Variants in PDXDC1 observed in about 807,000 individuals in gnomAD.
The protein encoded by PDXDC1 is pyridoxal dependent decarboxylase domain containing 1.
In PDXDC1, 42 loss-of-function variants were observed where a neutral mutation model predicts 100.1. That is an observed-to-expected ratio of 0.42 (90% CI 0.33 to 0.54). The LOEUF is 0.54. Among genes scored for constraint, PDXDC1 ranks in the 20% least tolerant of loss-of-function variants. The probability of loss-of-function intolerance (pLI) is 0.10; values close to 1 mark genes in which losing one functional copy is unlikely to be tolerated. For synonymous variants in PDXDC1, 260 were observed against 371.7 expected (o/e 0.70, Z 3.46); for missense variants, 636 against 979.2 (o/e 0.65, Z 4.68).
chr16:15,055,288 A>G (rs1161967174), intron 16 of PDXDC1, among the ~76,000 whole-genome samples: 2 of 152,144 alleles, frequency 1.3e-5, no homozygotes, highest in East Asian at 3.9e-4. Context: ...AACAAAAACA[A>G]AACCCGTGCA....
At chr16:15,020,975 AACACACACACACACACAC>A (rs66850292) in intron 12 of PDXDC1, among the ~76,000 whole-genome samples, 8 of 145,938 alleles carry the variant, frequency 5.5e-5, no homozygotes, top group African/African-American at 1.8e-4. Flanking sequence ...GCACCATCTA[AACACACACACACACACAC>A]ACACACACAC....
At chr16:15,040,977 C>T, downstream of PDXDC1, 4 of 883,716 alleles carry the variant, frequency 4.5e-6, no homozygotes, top group Non-Finnish European at 7.7e-6. Flanking sequence ...CTGTCCCATC[C>T]TGACAGCAGT....
chr16:15,056,035 C>G, intron 16 of PDXDC1: 1 of 748,762 alleles, frequency 1.3e-6, no homozygotes, highest in Non-Finnish European at 1.7e-6. Flanking sequence ...AGCCCCGGGC[C>G]GCCCGCCGCC....
intron 16 of PDXDC1, chr16:15,125,713 G>A (rs529166928): frequency 8.9e-5 from 125 of 1,401,956 alleles, no homozygotes; most frequent in African/African-American, 3.6e-4. Context: ...GCCTGAGAAC[G>A]TGAGGAAGGA....
In PDXDC1 at chr16:15,026,664, C is replaced by T; in HGVS notation, c.1162C>T (p.Pro388Ser). Residue 388 changes from proline (P) to serine (S), a missense_variant, in exon 14 of 23, where the codon CCA becomes TCA. Transcript: ENST00000396410. ...KILVEDELSS[P>S]VVVFRFFQEL... ...CCAGGTGGAAGATGAGCTCAGCTCC[C>T]CAGTGGTGGTGTTCAGATTTTTCCA... 1.2e-6 allele frequency: 2 copies of T among 1,613,926 alleles called. No individual in the cohort carries two copies. Among genetic ancestry groups the T allele is most frequent in the South Asian group, 2.2e-5 (2 of 91,062 alleles).
At chr16:15,123,644 T>C in intron 16 of PDXDC1, 1 of 571,052 alleles carries the variant, frequency 1.8e-6, no homozygotes, top group Non-Finnish European at 3.1e-6. Context: ...CCTGACTTAT[T>C]TTGTTCCAGC....
chr16:15,147,277 CTCTG>C, the PDXDC1 span, among the ~76,000 whole-genome samples: 9 of 152,204 alleles, frequency 5.9e-5, no homozygotes, highest in Admixed American at 1.3e-4. Context: ...CCACTGCCAC[CTCTG>C]TCTGTCTATA....
rs201391729 is a variant in PDXDC1 at position 15,029,080 on chromosome 16, G to A, written c.1293+114G>A. The A allele has an allele frequency of 1.1e-3, 1,330 of 1,214,622 alleles. 10 individuals are homozygous for A. The East Asian group carries it at 0.015, about 14-fold the overall frequency. 75.2% of individuals were successfully genotyped at this position (1,214,622 alleles called of 1,614,324 possible). A position where few individuals can be genotyped will look rare whatever the true frequency, so the allele number is the denominator to read the frequency against. ...GGAACTGAGGCCCACAGGAGGAGCC[G>A]CCCTGCCAGTGCTGGGCCTGCTCTG... On this transcript the variant is annotated intron_variant, in intron 15 of 22. Coordinates refer to ENST00000396410, the MANE Select transcript of PDXDC1 (RefSeq NM_015027.4).
the PDXDC1 span, among the ~76,000 whole-genome samples, chr16:15,151,864 G>A: frequency 7.4e-6 from 1 of 134,732 alleles, no homozygotes; most frequent in African/African-American, 2.6e-5. Context: ...CCAGGAGGCG[G>A]AGGTTGCCAT....
Position 15,027,331 on chromosome 16 carries a change from C to T in PDXDC1, c.1204+625C>T, listed in dbSNP as rs143595209. 4.6e-5 allele frequency among the ~76,000 whole-genome samples: 7 copies of T among 152,394 alleles called. No homozygotes were observed. The East Asian group carries it at 7.7e-4, about 17-fold the overall frequency. ...TACAGACGGGCAGGCTGTGGGGCTCCGACCCCATGGCAGCATCTGGGGGTG... is the reference window on the plus strand; with the variant it reads ...TACAGACGGGCAGGCTGTGGGGCTCTGACCCCATGGCAGCATCTGGGGGTG... On this transcript the variant is annotated intron_variant, in intron 14 of 22. Coordinates refer to ENST00000396410, the MANE Select transcript of PDXDC1 (RefSeq NM_015027.4).
At chr16:14,990,096 A>G (rs1277972415) in intron 1 of PDXDC1, 1 of 1,487,128 alleles carries the variant, frequency 6.7e-7, no homozygotes, top group Admixed American at 2.1e-5. Flanking sequence ...CAGGCAGAGG[A>G]GGCGGCGGGC....
At chr16:15,048,432 C>T (rs2044167243) in intron 16 of PDXDC1, among the ~76,000 whole-genome samples, 1 of 152,120 alleles carries the variant, frequency 6.6e-6, no homozygotes, top group African/African-American at 2.4e-5. Flanking sequence ...GTTGCCCAGG[C>T]TGGTCTTGAA....
Position 14,998,404 on chromosome 16 carries a change from A to G in PDXDC1, c.160A>G (p.Ser54Gly), listed in dbSNP as rs1237364338. The G allele has an allele frequency of 3.7e-6, 6 of 1,612,172 alleles. No individual in the cohort carries two copies. The highest frequency in any genetic ancestry group is 1.7e-6 in the Non-Finnish European group (2 of 1,179,646). Residue 54 changes from serine to glycine, a missense_variant and splice_region_variant, in exon 3 of 23, where the codon AGT becomes GGT. Coordinates refer to ENST00000396410, the MANE Select transcript of PDXDC1 (RefSeq NM_015027.4). ...SGDIPGPLQG[S>G]GQDMVSILQL... is the part of the protein sequence containing the mutation. Reference sequence around the variant, plus strand: ...AGATATTCCAGGCCCACTCCAGGGCAGGTAGGTGGCACTGAGGATCCATAC... The same window carrying G: ...AGATATTCCAGGCCCACTCCAGGGCGGGTAGGTGGCACTGAGGATCCATAC...
intron 1 of PDXDC1, among the ~76,000 whole-genome samples, chr16:14,993,143 T>A (rs546179371): frequency 1.1e-3 from 166 of 152,332 alleles, no homozygotes; most frequent in South Asian, 8.1e-3. Flanking sequence ...ATTTTTTTTT[T>A]AATTTTTTAA....
intron 16 of PDXDC1, chr16:15,104,297 A>G: frequency 1.3e-6 from 2 of 1,486,370 alleles, no homozygotes; most frequent in South Asian, 1.3e-5. Flanking sequence ...AAGCAATAAC[A>G]TAAGGACTGC....
chr16:15,080,895 T>C (rs918157529), intron 16 of PDXDC1, among the ~76,000 whole-genome samples: 4 of 152,086 alleles, frequency 2.6e-5, no homozygotes, highest in Admixed American at 6.6e-5. Context: ...TGTTGTAACA[T>C]GTAAACCATT....
intron 16 of PDXDC1, among the ~76,000 whole-genome samples, chr16:15,064,363 C>A (rs1011795097): frequency 6.6e-6 from 1 of 152,114 alleles, no homozygotes; most frequent in Non-Finnish European, 1.5e-5. Context: ...TTAGTAAAGA[C>A]AGCGTTTCAC....
intron 16 of PDXDC1, chr16:15,068,412 G>A (rs1185613666): frequency 2.8e-5 from 33 of 1,167,094 alleles, no homozygotes; most frequent in Non-Finnish European, 3.9e-5. Context: ...TTTAAATAAA[G>A]GTCCATGCAG....
At chr16:15,145,660 C>A in the PDXDC1 span, among the ~76,000 whole-genome samples, 1 of 152,392 alleles carries the variant, frequency 6.6e-6, no homozygotes, top group Non-Finnish European at 1.5e-5. Context: ...TGCCTGGGCA[C>A]CCCGGCCCCT....
Sources: gnomAD v4.1 joint callset for allele counts (sites outside exome capture counted in the v4.1 genomes callset) on GRCh38, gnomAD v4.1.1 for gene constraint, MANE v1.5 for transcripts, NCBI Gene and HGNC (gene_info 2026-07-23, HGNC 2026-07-21) for gene names.